The following CTNNA3 variants were observed in gnomAD, a reference collection of about 807,000 sequenced individuals.
The protein encoded by CTNNA3 is catenin alpha-3.
In CTNNA3, 76 loss-of-function variants were observed where a neutral mutation model predicts 95.7. The observed-to-expected ratio is 0.79, with a 90% CI of 0.66 to 0.96. The LOEUF is 0.96. Among genes scored for constraint, CTNNA3 ranks in the 40% least tolerant of loss-of-function variants. The pLI, the probability that CTNNA3 is intolerant of heterozygous loss-of-function variation, is 0.00. For synonymous variants in CTNNA3, 431 were observed against 374.4 expected, an observed-to-expected ratio of 1.15 and a Z score of -1.74; for missense variants, 1,191 against 1,089.8, an observed-to-expected ratio of 1.09 and a Z score of -1.31.
chr10:65,932,115 T>C (rs1179193575), intron 17 of CTNNA3, among the ~76,000 whole-genome samples: 1 of 152,202 alleles, frequency 6.6e-6, no homozygotes, highest in African/African-American at 2.4e-5. Context: ...ATAGGGACTC[T>C]GGAGGTAAAC....
chr10:66,012,670 T>C lies in CTNNA3; in HGVS notation c.2160-23873A>G, dbSNP rs781167784. On this transcript the variant is annotated intron_variant, in intron 15 of 17. Coordinates refer to ENST00000433211, the MANE Select transcript of CTNNA3 (RefSeq NM_013266.4). ...AACTAATAGTTGAATGGAAACTTGATGGTCAATTAGTCTGGGGTCTCTCAA... is the reference window on the plus strand; with the variant it reads ...AACTAATAGTTGAATGGAAACTTGACGGTCAATTAGTCTGGGGTCTCTCAA... 1.8e-4 allele frequency among the ~76,000 whole-genome samples: 28 copies of C among 152,202 alleles called. 1 individual carries two copies. Among genetic ancestry groups the C allele is most frequent in the Admixed American group, 3.3e-4 (5 of 15,278 alleles).
chr10:65,936,785 T>A (rs538612845), intron 17 of CTNNA3, among the ~76,000 whole-genome samples: 54 of 152,078 alleles, frequency 3.6e-4, no homozygotes, highest in African/African-American at 1.3e-3. Flanking sequence ...TGGGCCTCAG[T>A]TTTCCCATCT....
At chr10:67,118,516 A>T (rs1859301626) in intron 7 of CTNNA3, among the ~76,000 whole-genome samples, 1 of 151,980 alleles carries the variant, frequency 6.6e-6, no homozygotes. Context: ...CCCTTTTCAC[A>T]AGAAAGATGG....
chr10:67,491,068 CA>C (rs1453739038), intron 5 of CTNNA3, among the ~76,000 whole-genome samples: 1 of 151,472 alleles, frequency 6.6e-6, no homozygotes, highest in Non-Finnish European at 1.5e-5. Flanking sequence ...GACAGGAAAA[CA>C]GAAATAAAAA....
chr10:67,150,640 G>T (rs1371890657), intron 7 of CTNNA3, among the ~76,000 whole-genome samples: 4 of 152,182 alleles, frequency 2.6e-5, no homozygotes, highest in African/African-American at 4.8e-5. Flanking sequence ...GAGATCATTA[G>T]AAGTCTTCAA....
intron 11 of CTNNA3, among the ~76,000 whole-genome samples, chr10:66,403,447 C>T (rs1316839362): frequency 3.3e-5 from 5 of 152,152 alleles, no homozygotes; most frequent in Admixed American, 2.6e-4. Flanking sequence ...GAGAAGCAAG[C>T]ACTTCCTACA....
chr10:66,263,337 A>C (rs112141311), intron 13 of CTNNA3, among the ~76,000 whole-genome samples: 7 of 152,162 alleles, frequency 4.6e-5, no homozygotes, highest in African/African-American at 1.7e-4. Flanking sequence ...AGAAAATATA[A>C]CATATTTCAA....
chr10:65,969,198 C>T lies in CTNNA3; in HGVS notation c.2266-2452G>A, dbSNP rs555518011. On this transcript the variant is annotated intron_variant, in intron 16 of 17. Coordinates refer to ENST00000433211, the MANE Select transcript of CTNNA3 (RefSeq NM_013266.4). ...CCTTACCCAGCATTCTCTAAAGTCA[C>T]ACTCCCTAGGGAAAAATAGATGGGA... is the stretch of plus-strand genomic sequence containing the variant. 6.4e-4 allele frequency among the ~76,000 whole-genome samples: 97 copies of T among 151,194 alleles called. 2 individuals carry two copies. In the South Asian group the frequency reaches 0.02, roughly 31 times the overall value.
intron 5 of CTNNA3, among the ~76,000 whole-genome samples, chr10:67,442,832 A>G (rs1331680292): frequency 6.6e-6 from 1 of 151,704 alleles, no homozygotes; most frequent in Admixed American, 6.6e-5. Context: ...TTTAGGGTAC[A>G]TGTGCACAAT....
chr10:67,731,013 T>C (rs1164946236), intron 1 of CTNNA3, among the ~76,000 whole-genome samples: 1 of 152,000 alleles, frequency 6.6e-6, no homozygotes, highest in African/African-American at 2.4e-5. Context: ...AAAGGAACAA[T>C]GTATAAAAAA....
chr10:66,566,650 C>T (rs774190673), intron 10 of CTNNA3, among the ~76,000 whole-genome samples: 15 of 152,058 alleles, frequency 9.9e-5, no homozygotes, highest in Non-Finnish European at 1.2e-4. Flanking sequence ...TCCTTCCCAT[C>T]GCTGTCTCCT....
chr10:66,479,786 G>A (rs2456662), intron 11 of CTNNA3, among the ~76,000 whole-genome samples: 32,267 of 151,868 alleles, frequency 0.21, 6,540 homozygotes, highest in East Asian at 0.84. Context: ...TCATTTTTGA[G>A]TATTGTTTAT....
intron 7 of CTNNA3, among the ~76,000 whole-genome samples, chr10:66,908,823 C>A (rs763191141): frequency 5.3e-5 from 8 of 152,240 alleles, no homozygotes; most frequent in Middle Eastern, 3.4e-3. Context: ...GCACTCCCTA[C>A]ACACATTGTA....
intron 11 of CTNNA3, among the ~76,000 whole-genome samples, chr10:66,411,925 T>C (rs2093108503): frequency 6.6e-6 from 1 of 152,052 alleles, no homozygotes; most frequent in South Asian, 2.1e-4. Flanking sequence ...TCCGAGGAGC[T>C]CTGAAGCCTG....
chr10:66,966,689 A>G (rs951432342), intron 7 of CTNNA3, among the ~76,000 whole-genome samples: 2 of 152,096 alleles, frequency 1.3e-5, no homozygotes, highest in East Asian at 1.9e-4. Context: ...AAACATTAAC[A>G]TAAGAATAAA....
chr10:66,655,046 T>C (rs1434844870), intron 9 of CTNNA3, among the ~76,000 whole-genome samples: 1 of 152,034 alleles, frequency 6.6e-6, no homozygotes, highest in Non-Finnish European at 1.5e-5. Context: ...GTGGAGTTAA[T>C]AGAACTGTAT....
intron 11 of CTNNA3, among the ~76,000 whole-genome samples, chr10:66,382,014 G>A (rs1260702451): frequency 1.3e-5 from 2 of 152,142 alleles, no homozygotes; most frequent in Non-Finnish European, 2.9e-5. Context: ...CAGTGTGATT[G>A]ATGCAGAAGA....
rs150820267 is a variant in CTNNA3 at position 66,023,573 on chromosome 10, A to G, written c.2160-34776T>C. On this transcript the variant is annotated intron_variant, in intron 15 of 17. Coordinates refer to ENST00000433211, the MANE Select transcript of CTNNA3 (RefSeq NM_013266.4). The stretch of plus-strand genomic sequence containing the variant: ...GAAATATAGATATTAGATAAATTAA[A>G]GTATGCCTATGAATGTTACAACAAA... Among the ~76,000 whole-genome samples the G allele has an allele frequency of 2.0e-3, 312 of 152,328 alleles. 3 individuals carry two copies. Among genetic ancestry groups the G allele is most frequent in the Admixed American group, 3.3e-3 (50 of 15,298 alleles).
intron 7 of CTNNA3, among the ~76,000 whole-genome samples, chr10:66,870,303 A>G (rs1478368451): frequency 6.6e-6 from 1 of 152,234 alleles, no homozygotes; most frequent in Non-Finnish European, 1.5e-5. Flanking sequence ...GCAATGATGC[A>G]GTAAACTATA....
Sources: gnomAD v4.1 joint callset for allele counts (sites outside exome capture counted in the v4.1 genomes callset) on GRCh38, gnomAD v4.1.1 for gene constraint, MANE v1.5 for transcripts, NCBI Gene and HGNC (gene_info 2026-07-23, HGNC 2026-07-21) for gene names.